Variants in PLEKHA1 observed in about 807,000 individuals in gnomAD.
PLEKHA1 encodes pleckstrin homology domain containing A1.
A neutral mutation model predicts 52.0 loss-of-function variants in PLEKHA1; 34 were observed. The ratio of observed to expected loss-of-function variants is 0.65; its 90% confidence interval spans 0.50 to 0.87. PLEKHA1 has a LOEUF of 0.87. Among genes scored for constraint, PLEKHA1 ranks in the 40% least tolerant of loss-of-function variants. The probability of loss-of-function intolerance (pLI) is 0.00; values close to 1 mark genes in which losing one functional copy is unlikely to be tolerated. For synonymous variants in PLEKHA1, 163 were observed against 170.7 expected (o/e 0.95, Z 0.35); for missense variants, 497 against 504.2 (o/e 0.99, Z 0.14).
Position 122,424,954 on chromosome 10 carries a change from G to A in PLEKHA1, c.805G>A (p.Val269Met), listed in dbSNP as rs937274162. The A allele has an allele frequency of 1.2e-6, 2 of 1,606,106 alleles. No homozygotes were observed. The highest frequency in any genetic ancestry group is 1.1e-5 in the South Asian group (1 of 89,636). The change falls in exon 10 of 12, where the codon GTG becomes ATG. Residue 269 changes from valine (V) to methionine (M), a missense_variant. Transcript: ENST00000368990. ...TGTAACAACGTCTCGAACTTTCTAT[G>A]TGCAGGTAAGATGCTTATTTGGCAA... The part of the protein sequence containing the change: ...EIVTTSRTFY[V>M]QADSPEEMHS...
At chr10:122,409,074 G>A (rs944136287) in intron 5 of PLEKHA1, among the ~76,000 whole-genome samples, 6 of 152,134 alleles carry the variant, frequency 3.9e-5, no homozygotes, top group Admixed American at 2.6e-4. Context: ...ATAATATCTT[G>A]CCATTTTAAT....
chr10:122,384,701 C>T (rs982039412), intron 1 of PLEKHA1, among the ~76,000 whole-genome samples: 2 of 151,956 alleles, frequency 1.3e-5, no homozygotes, highest in East Asian at 1.9e-4. Context: ...ACCTGTAATC[C>T]CAGCACTTTG....
chr10:122,379,052 A>T (rs2096578402), intron 1 of PLEKHA1, among the ~76,000 whole-genome samples: 1 of 152,188 alleles, frequency 6.6e-6, no homozygotes, highest in African/African-American at 2.4e-5. Context: ...ATTGCAGTCT[A>T]CTAATAGGCA....
intron 3 of PLEKHA1, among the ~76,000 whole-genome samples, chr10:122,399,187 A>T (rs1159707448): frequency 6.6e-6 from 1 of 152,084 alleles, no homozygotes; most frequent in African/African-American, 2.4e-5. Flanking sequence ...CCAAAAATTT[A>T]TTTCTGGAAC....
chr10:122,397,322 A>G (rs1166730376), intron 2 of PLEKHA1, among the ~76,000 whole-genome samples: 2 of 152,142 alleles, frequency 1.3e-5, no homozygotes, highest in Non-Finnish European at 2.9e-5. Flanking sequence ...GATGCAAACC[A>G]CATCTGAAAC....
At chr10:122,399,469 A>G (rs1010641066) in intron 3 of PLEKHA1, among the ~76,000 whole-genome samples, 3 of 152,196 alleles carry the variant, frequency 2.0e-5, no homozygotes, top group African/African-American at 7.2e-5. Flanking sequence ...ATTCTCCTGT[A>G]CAAGAGAGGA....
intron 4 of PLEKHA1, among the ~76,000 whole-genome samples, chr10:122,405,984 T>C (rs1427394983): frequency 6.6e-6 from 1 of 152,106 alleles, no homozygotes; most frequent in Non-Finnish European, 1.5e-5. Flanking sequence ...TGGCCTCAGA[T>C]GGGGTCTAGG....
intron 3 of PLEKHA1, among the ~76,000 whole-genome samples, chr10:122,398,706 A>G (rs2096885888): frequency 6.6e-6 from 1 of 152,044 alleles, no homozygotes; most frequent in Non-Finnish European, 1.5e-5. Context: ...ATTAAATAAT[A>G]TGGGTACTGT....
At chr10:122,375,645 A>G (rs2096522624) in intron 1 of PLEKHA1, among the ~76,000 whole-genome samples, 1 of 152,076 alleles carries the variant, frequency 6.6e-6, no homozygotes, top group East Asian at 1.9e-4. Flanking sequence ...TATAGTGTTT[A>G]CCGCCTTTGG....
chr10:122,378,017 T>G (rs1248321565), intron 1 of PLEKHA1, among the ~76,000 whole-genome samples: 3 of 152,216 alleles, frequency 2.0e-5, no homozygotes, highest in African/African-American at 7.2e-5. Context: ...TCTGATAGCT[T>G]TATTCTCCAG....
chr10:122,412,777 T>G, intron 5 of PLEKHA1, 143 bp from the exon 6 acceptor site: 1 of 769,986 alleles, frequency 1.3e-6, no homozygotes, highest in African/African-American at 1.8e-5. Flanking sequence ...TGTGATAACT[T>G]AAGGAGTACA....
At chr10:122,378,396 C>T (rs2096567525) in intron 1 of PLEKHA1, among the ~76,000 whole-genome samples, 1 of 150,510 alleles carries the variant, frequency 6.6e-6, no homozygotes, top group Middle Eastern at 3.4e-3. Flanking sequence ...CCCCACCCCC[C>T]ATAACATCAT....
chr10:122,395,592 A>C (rs2096839380), intron 2 of PLEKHA1, among the ~76,000 whole-genome samples: 1 of 152,006 alleles, frequency 6.6e-6, no homozygotes, highest in Admixed American at 6.6e-5. Flanking sequence ...TGAATTACTA[A>C]AAAAATGGCA....
chr10:122,414,295 A>C (rs1465587559), intron 6 of PLEKHA1, among the ~76,000 whole-genome samples: 5 of 152,108 alleles, frequency 3.3e-5, no homozygotes, highest in African/African-American at 1.2e-4. Flanking sequence ...GTCTAGAGTT[A>C]AGATTTTGTT....
the PLEKHA1 span, chr10:122,437,555 G>C: frequency 1.3e-5 from 2 of 152,258 alleles, no homozygotes; most frequent in Non-Finnish European, 2.9e-5. Context: ...ATCATCTTTA[G>C]AGAGAATGAA....
intron 4 of PLEKHA1, among the ~76,000 whole-genome samples, chr10:122,403,240 A>G (rs1167652219): frequency 6.6e-6 from 1 of 152,216 alleles, no homozygotes; most frequent in Non-Finnish European, 1.5e-5. Flanking sequence ...AAAAGAGATA[A>G]AAACCATCAA....
At position 122,429,055 on chromosome 10, in the gene PLEKHA1, A is replaced by G. The variant is rs2097382719; in HGVS notation, c.901-569A>G. ...AGAACTAAAATTAAGTAAAAAATGA[A>G]AAGACTGTGCTATTATTGGTTGCAG... On this transcript the variant is annotated intron_variant, in intron 11 of 11. Coordinates refer to ENST00000368990, the MANE Select transcript of PLEKHA1 (RefSeq NM_001001974.4). 2.6e-5 allele frequency among the ~76,000 whole-genome samples: 4 copies of G among 152,332 alleles called. No homozygotes were observed. The South Asian group carries it at 8.3e-4, about 32-fold the overall frequency.
chr10:122,417,252 T>C (rs1767991174), intron 7 of PLEKHA1, among the ~76,000 whole-genome samples: 1 of 151,936 alleles, frequency 6.6e-6, no homozygotes, highest in African/African-American at 2.4e-5. Flanking sequence ...CTTGATGTGG[T>C]TTAATAACAT....
Position 122,424,366 on chromosome 10 carries a change from G to A in PLEKHA1, c.746+103G>A, listed in dbSNP as rs2097307822. 4 of 1,308,596 alleles carry A rather than the reference G, an allele frequency of 3.1e-6. No homozygotes were observed. The South Asian group carries it at 5.4e-5, about 18-fold the overall frequency. 81.1% of individuals were successfully genotyped at this position (1,308,596 alleles called of 1,614,324 possible). On this transcript the variant is annotated intron_variant, in intron 9 of 11. Coordinates refer to ENST00000368990, the MANE Select transcript of PLEKHA1 (RefSeq NM_001001974.4). ...CAGATTACATTTTTCCATATTAATT[G>A]TAGTTATTTTTAACTCTTTATAGTT...
Sources: allele counts gnomAD v4.1 joint callset (sites outside exome capture counted in the v4.1 genomes callset), GRCh38; gene constraint gnomAD v4.1.1; transcripts MANE v1.5; gene names NCBI Gene and HGNC (gene_info 2026-07-23, HGNC 2026-07-21).